TTC13: variants seen among roughly 807,000 people sequenced by gnomAD.
TTC13 encodes the protein tetratricopeptide repeat protein 13.
In TTC13, 62 loss-of-function variants were observed where a neutral mutation model predicts 120.0. The observed-to-expected ratio is 0.52, with a 90% confidence interval of 0.42 to 0.64. The LOEUF (loss-of-function observed/expected upper bound fraction) is 0.64. Among genes scored for constraint, TTC13 ranks in the 30% least tolerant of loss-of-function variants. The pLI is 0.00. For missense variants in TTC13, 824 were observed against 1,050.2 expected (o/e 0.78, Z 2.98); for synonymous variants, 384 against 393.5 (o/e 0.98, Z 0.28).
chr1:230,939,512 T>C lies in TTC13; in HGVS notation c.790-16A>G, dbSNP rs1558194298. ...TTGCATAGTCCTACAAAAAGGAGAG[T>C]GGGGGGAAAAATAAAATAGTATTCA... On this transcript the variant is annotated splice_polypyrimidine_tract_variant and intron_variant, in intron 7 of 22. Transcript: ENST00000366661. The C allele has an allele frequency of 2.0e-6, 3 of 1,529,350 alleles. No individual in the cohort carries two copies. In the Admixed American group the frequency reaches 5.3e-5, roughly 27 times the overall value. The allele number at this position is 1,529,350 out of a possible 1,614,324, so 94.7% of individuals were successfully genotyped here. A position where few individuals can be genotyped will look rare whatever the true frequency, so the allele number is the denominator to read the frequency against.
At chr1:230,936,068 G>A (rs555094593) in intron 8 of TTC13, 2 of 412,222 alleles carry the variant, frequency 4.9e-6, no homozygotes, top group African/African-American at 2.0e-5. Flanking sequence ...TGGGGCAGGA[G>A]GGAATAACGA....
chr1:230,941,502 T>C (rs1439946808), intron 6 of TTC13, among the ~76,000 whole-genome samples: 1 of 152,180 alleles, frequency 6.6e-6, no homozygotes, highest in Non-Finnish European at 1.5e-5. Context: ...GGGGTCTCAC[T>C]ACATTGACCA....
chr1:230,916,453 C>T (rs1451548318), intron 17 of TTC13, 151 bp from the exon 18 acceptor site: 1 of 658,330 alleles, frequency 1.5e-6, no homozygotes, highest in African/African-American at 1.8e-5. Context: ...TGGCCAAGGA[C>T]ATCTCTGCCT....
intron 11 of TTC13, among the ~76,000 whole-genome samples, chr1:230,930,880 T>C (rs1673485742): frequency 6.6e-6 from 1 of 152,154 alleles, no homozygotes; most frequent in Non-Finnish European, 1.5e-5. Context: ...ATTGCACCAC[T>C]GTACTCCAGC....
At chr1:230,969,178 C>T (rs886682699) in intron 1 of TTC13, among the ~76,000 whole-genome samples, 6 of 151,954 alleles carry the variant, frequency 3.9e-5, no homozygotes, top group East Asian at 1.9e-4. Context: ...AGGAGAATGG[C>T]GTGAACCTGG....
chr1:230,954,538 T>C (rs1675877588), intron 3 of TTC13, 135 bp from the exon 4 acceptor site: 1 of 599,804 alleles, frequency 1.7e-6, no homozygotes, highest in African/African-American at 1.9e-5. Flanking sequence ...TAGAAGTTAA[T>C]AAGGTGTCAC....
intron 9 of TTC13, among the ~76,000 whole-genome samples, chr1:230,932,568 T>G (rs967361506): frequency 6.6e-6 from 1 of 152,174 alleles, no homozygotes; most frequent in Non-Finnish European, 1.5e-5. Flanking sequence ...CTATAAATAG[T>G]GAACATTTTT....
In TTC13 at chr1:230,932,126, G is replaced by A. The variant is rs182346848; in HGVS notation, c.984-249C>T. ...CATCTGCTGATTTCCAAAGGCAGAC[G>A]CTTATTCAAACCCCTCTCCTTGATT... is the stretch of plus-strand genomic sequence containing the variant. On this transcript the variant is annotated intron_variant, in intron 9 of 22. Transcript: ENST00000366661. 3.2e-3 allele frequency among the ~76,000 whole-genome samples: 487 copies of A among 152,170 alleles called. 3 individuals are homozygous for A. The highest frequency in any genetic ancestry group is 5.3e-3 in the Non-Finnish European group (358 of 67,992).
intron 3 of TTC13, among the ~76,000 whole-genome samples, chr1:230,957,675 A>G (rs1676222817): frequency 6.6e-6 from 1 of 152,148 alleles, no homozygotes; most frequent in African/African-American, 2.4e-5. Context: ...CGAGGGAAAC[A>G]CACCCAGTGC....
At chr1:230,914,076 C>T (rs1357914864) in intron 18 of TTC13, among the ~76,000 whole-genome samples, 1 of 152,056 alleles carries the variant, frequency 6.6e-6, no homozygotes, top group African/African-American at 2.4e-5. Flanking sequence ...GATGGGATGC[C>T]AGGCAGAGTC....
Position 230,978,730 on chromosome 1 carries a change from AC to A in TTC13, c.100del (p.Val34SerfsTer62), listed in dbSNP as rs1485830871. 11 of 1,497,888 alleles carry A rather than the reference AC, an allele frequency of 7.3e-6. No homozygotes were observed. Among genetic ancestry groups the A allele is most frequent in the Admixed American group, 2.2e-5 (1 of 46,136 alleles). The allele number at this position is 1,497,888 out of a possible 1,614,324, so 92.8% of individuals were successfully genotyped here. On this transcript the variant is annotated frameshift_variant, in exon 1 of 23. Transcript: ENST00000366661. LOFTEE classifies it high-confidence loss of function. The surrounding 1 kb of genome is among the most constrained non-coding windows in gnomAD (Gnocchi z 5.6). ...RRVLLLLLLG[V>X]LSAGLRPGAL... The stretch of plus-strand genomic sequence containing the variant: ...GCCTGGCCGCAGCCCGGCGGACAGG[AC>A]CCCCAGCAGCAGCAGCAGCAGGACA...
intron 9 of TTC13, among the ~76,000 whole-genome samples, chr1:230,932,703 A>G (rs1471609994): frequency 6.6e-6 from 1 of 152,214 alleles, no homozygotes; most frequent in Non-Finnish European, 1.5e-5. Context: ...AACCCCAAAC[A>G]AATCCAAACA....
At chr1:230,941,551 T>G (rs1046924087) in intron 6 of TTC13, among the ~76,000 whole-genome samples, 3 of 152,200 alleles carry the variant, frequency 2.0e-5, no homozygotes, top group Non-Finnish European at 2.9e-5. Context: ...AATCCTCCTG[T>G]GTTGGCCTCC....
intron 4 of TTC13, 76 bp from the exon 5 acceptor site, chr1:230,945,530 C>T (rs1475688938): frequency 6.8e-6 from 9 of 1,319,034 alleles, no homozygotes; most frequent in African/African-American, 2.9e-5. Context: ...GCTTAAAGCA[C>T]GTTAATGCCG....
In TTC13 at chr1:230,908,623, C is replaced by T. The variant is rs189040875; in HGVS notation, c.2468+89G>A. ...ACTTATAAAAATGAGTATAACAGTT[C>T]CAGTTTTCATAGCGCTCCAAAGTAA... On this transcript the variant is annotated intron_variant, in intron 22 of 22. Coordinates refer to ENST00000366661, the MANE Select transcript of TTC13 (RefSeq NM_024525.5). The T allele has an allele frequency of 3.3e-5, 32 of 969,192 alleles. No individual in the cohort carries two copies. The African/African-American group carries it at 4.6e-4, about 14-fold the overall frequency. 60.0% of individuals were successfully genotyped at this position (969,192 alleles called of 1,614,324 possible). A position where few individuals can be genotyped will look rare whatever the true frequency, so the allele number is the denominator to read the frequency against.
intron 22 of TTC13, 172 bp downstream of exon 22, chr1:230,908,540 C>T (rs775542088): frequency 6.3e-6 from 4 of 631,682 alleles, no homozygotes; most frequent in Non-Finnish European, 8.2e-6. Context: ...TTATCTTATA[C>T]AACAGCAAAA....
rs932383856 is a variant in TTC13, at chr1:230,944,569, C to A, written c.580-671G>T. ...TCCCAATTCTAAATTCATTCTCAGT[C>A]CTCTATGTCTCAAAGTATACAAATA... On this transcript the variant is annotated intron_variant, in intron 5 of 22. Transcript: ENST00000366661. The surrounding 1 kb of genome is among the most constrained non-coding windows in gnomAD (Gnocchi z 4.0). Among the ~76,000 whole-genome samples, 1 of 152,114 alleles carries A rather than the reference C, an allele frequency of 6.6e-6. No homozygotes were observed. The highest frequency in any genetic ancestry group is 2.4e-5 in the African/African-American group (1 of 41,428).
intron 6 of TTC13, 147 bp downstream of exon 6, chr1:230,943,659 A>G (rs531052789): frequency 3.8e-6 from 2 of 523,702 alleles, no homozygotes; most frequent in Admixed American, 6.5e-5. Flanking sequence ...ATTAATTTCA[A>G]CCATGCTTAA....
At chr1:230,957,383 G>A (rs1450749484) in intron 3 of TTC13, among the ~76,000 whole-genome samples, 4 of 152,192 alleles carry the variant, frequency 2.6e-5, no homozygotes, top group Non-Finnish European at 5.9e-5. Flanking sequence ...GCTGTAGTGA[G>A]CTATGATTGT....
Sources: gnomAD v4.1 joint callset for allele counts (sites outside exome capture counted in the v4.1 genomes callset) on GRCh38, gnomAD v4.1.1 for gene constraint, Gnocchi (gnomAD v3.1) non-coding constraint, MANE v1.5 for transcripts, NCBI Gene and HGNC (gene_info 2026-07-23, HGNC 2026-07-21) for gene names.